PRH1: variants seen among roughly 807,000 people sequenced by gnomAD.
PRH1 encodes the protein proline rich protein HaeIII subfamily 1.
Under a neutral mutation model 7.9 loss-of-function variants are expected in PRH1, and 7 were observed. The ratio of observed to expected loss-of-function variants is 0.89; its 90% CI spans 0.50 to 1.67. The LOEUF (loss-of-function observed/expected upper bound fraction) is 1.67, where lower values mean the gene tolerates loss of function less well. PRH1 is among the 40% of genes most tolerant of loss of function. PRH1 has a pLI of 0.00. For missense variants in PRH1, 109 were observed against 223.6 expected (o/e 0.49, Z 3.27); for synonymous variants, 45 against 80.8 (o/e 0.56, Z 2.38).
chr12:11,051,623 T>C (rs1180227542), upstream of PRH1, among the ~76,000 whole-genome samples: 2 of 152,178 alleles, frequency 1.3e-5, no homozygotes, highest in Admixed American at 1.3e-4. Flanking sequence ...ATACGCAACG[T>C]CCATAATTTA....
intron 1 of PRH1, chr12:11,030,496 A>T (rs751801433): frequency 1.2e-6 from 2 of 1,614,276 alleles, no homozygotes; most frequent in East Asian, 2.2e-5. Flanking sequence ...TGTTTCCCCA[A>T]ATCAGGATGA....
intron 1 of PRH1, among the ~76,000 whole-genome samples, chr12:11,147,272 C>T (rs553070220): frequency 1.3e-5 from 2 of 152,286 alleles, no homozygotes; most frequent in Admixed American, 6.5e-5. Context: ...CTCACTGCAG[C>T]ATCAGCCTCC....
At chr12:10,987,784 T>C (rs1488176255) in intron 1 of PRH1, among the ~76,000 whole-genome samples, 1 of 152,110 alleles carries the variant, frequency 6.6e-6, no homozygotes, top group Admixed American at 6.5e-5. Context: ...AATGTTTAAG[T>C]ATTTATTATT....
chr12:10,949,459 G>T (rs1264803672), intron 2 of PRH1, among the ~76,000 whole-genome samples: 2 of 152,074 alleles, frequency 1.3e-5, no homozygotes, highest in African/African-American at 4.8e-5. Flanking sequence ...TTAGCATTAA[G>T]AATTTAAATT....
chr12:11,043,575 G>C (rs553266339), intron 1 of PRH1, among the ~76,000 whole-genome samples: 3 of 151,110 alleles, frequency 2.0e-5, no homozygotes, highest in Non-Finnish European at 3.0e-5. Flanking sequence ...TATTAGAATT[G>C]ATAAACAAAC....
At chr12:11,129,439 T>C (rs553694760) in intron 1 of PRH1, among the ~76,000 whole-genome samples, 138 of 152,380 alleles carry the variant, frequency 9.1e-4, no homozygotes, top group Non-Finnish European at 6.3e-4. Flanking sequence ...CAACAAAATA[T>C]ATAAAATATA....
intron 2 of PRH1, among the ~76,000 whole-genome samples, chr12:10,972,028 T>C (rs1938838269): frequency 6.6e-6 from 1 of 152,182 alleles, no homozygotes; most frequent in Non-Finnish European, 1.5e-5. Flanking sequence ...AGTCAAACAT[T>C]ATGTCAGATC....
At chr12:10,908,413 C>A (rs576141294) in intron 2 of PRH1, 2 of 1,612,966 alleles carry the variant, frequency 1.2e-6, no homozygotes, top group Non-Finnish European at 1.7e-6. Flanking sequence ...ACCTTAGCTG[C>A]CACCAAAAGA....
chr12:10,909,255 G>A (rs1351801103), intron 2 of PRH1: 4 of 1,613,610 alleles, frequency 2.5e-6, no homozygotes, highest in Non-Finnish European at 1.7e-6. Context: ...TATGAATTCT[G>A]CAATTATTAC....
At chr12:10,997,465 C>T (rs1940334879) in intron 1 of PRH1, 2 of 1,613,772 alleles carry the variant, frequency 1.2e-6, no homozygotes, top group South Asian at 1.1e-5. Context: ...CCAAAAAGAA[C>T]AAAGACCCCA....
chr12:11,005,649 G>T (rs1001071241), intron 1 of PRH1, among the ~76,000 whole-genome samples: 1 of 151,974 alleles, frequency 6.6e-6, no homozygotes, highest in Non-Finnish European at 1.5e-5. Flanking sequence ...ATGCATACAC[G>T]CCCCTCATGG....
At chr12:11,124,903 C>T (rs1340600802) in intron 1 of PRH1, among the ~76,000 whole-genome samples, 9 of 151,398 alleles carry the variant, frequency 5.9e-5, no homozygotes, top group East Asian at 3.9e-4. Context: ...AGTGCAATGG[C>T]GCAATATTGG....
intron 1 of PRH1, among the ~76,000 whole-genome samples, chr12:11,153,465 T>C (rs7965506): frequency 0.46 from 69,193 of 152,010 alleles, 16,550 homozygotes; most frequent in Non-Finnish European, 0.53. Context: ...AACTTAAAAA[T>C]TGGGGTGGGC....
At chr12:11,168,273 A>G (rs1592137406) in intron 1 of PRH1, among the ~76,000 whole-genome samples, 1 of 48,244 alleles carries the variant, frequency 2.1e-5, no homozygotes, top group African/African-American at 6.4e-5. Context: ...AGAAAGAAAG[A>G]AAGAAAGAAA....
chr12:10,882,396 G>T lies in PRH1; in HGVS notation c.403C>A (p.Gln135Lys), dbSNP rs757992422. ...CGAGGAGGACGGGGATGGCCTCCCT[G>T]TTGGGGTGGTCCTTGTGGCCTTCCT... ...PQGRPQGPPQ[Q>K]GGHPRPPRGR... The change falls in exon 3 of 4, where the codon CAG becomes AAG. Residue 135 changes from glutamine (Q) to lysine (K), a missense_variant. Gln to Lys is a moderately conservative substitution (Grantham distance 53). Coordinates refer to ENST00000543626, the MANE Select transcript of PRH1 (RefSeq NM_001393989.1). 6.2e-7 allele frequency: 1 copy of T among 1,603,682 alleles called. No homozygotes were observed.
intron 1 of PRH1, among the ~76,000 whole-genome samples, chr12:11,163,932 A>G (rs1290723668): frequency 6.6e-6 from 1 of 152,148 alleles, no homozygotes; most frequent in Non-Finnish European, 1.5e-5. Context: ...CTTTGAGGTA[A>G]AGCTATTATT....
chr12:11,168,694 G>C (rs972037831), intron 1 of PRH1, among the ~76,000 whole-genome samples: 3 of 152,110 alleles, frequency 2.0e-5, no homozygotes, highest in Non-Finnish European at 4.4e-5. Flanking sequence ...TGCCCAGCAG[G>C]CTGTTTACCA....
At chr12:11,026,516 A>C (rs1941926275) in intron 1 of PRH1, among the ~76,000 whole-genome samples, 1 of 151,858 alleles carries the variant, frequency 6.6e-6, no homozygotes, top group Non-Finnish European at 1.5e-5. Flanking sequence ...TAGCAGGACC[A>C]AAGGGAAGCC....
intron 1 of PRH1, among the ~76,000 whole-genome samples, chr12:10,987,649 G>A (rs1939717484): frequency 6.6e-6 from 1 of 151,798 alleles, no homozygotes; most frequent in Non-Finnish European, 1.5e-5. Context: ...GGCCATCCAC[G>A]TGAAATTAGT....
Sources: gnomAD v4.1 joint callset for allele counts (sites outside exome capture counted in the v4.1 genomes callset) on GRCh38, gnomAD v4.1.1 for gene constraint, MANE v1.5 for transcripts, NCBI Gene and HGNC (gene_info 2026-07-23, HGNC 2026-07-21) for gene names.